Variants in DSCAM observed in about 807,000 individuals in gnomAD.
DSCAM encodes DS cell adhesion molecule, also known as cell adhesion molecule DSCAM.
In DSCAM, 47 loss-of-function variants were observed where a neutral mutation model predicts 217.7. That is an observed-to-expected ratio of 0.22 (90% CI 0.17 to 0.28). The LOEUF (loss-of-function observed/expected upper bound fraction) is 0.28, where lower values mean the gene tolerates loss of function less well. Among genes scored for constraint, DSCAM ranks in the 10% least tolerant of loss-of-function variants. The pLI is 1.00. For missense variants in DSCAM, 2,080 were observed against 2,618.3 expected (o/e 0.79, Z 4.49); for synonymous variants, 1,056 against 1,015.3 (o/e 1.04, Z -0.76).
chr21:40,800,664 T>C (rs984220096), intron 1 of DSCAM, among the ~76,000 whole-genome samples: 2 of 152,046 alleles, frequency 1.3e-5, no homozygotes, highest in Non-Finnish European at 2.9e-5. Context: ...TTAAGAATGA[T>C]GAACTAGGAT....
chr21:40,511,766 T>C (rs989460728), intron 3 of DSCAM, among the ~76,000 whole-genome samples: 15 of 151,104 alleles, frequency 9.9e-5, no homozygotes, highest in South Asian at 6.3e-4. Context: ...CCGAGGCGGG[T>C]GGATCATGAG....
At chr21:40,245,282 C>T (rs2073208701) in intron 11 of DSCAM, among the ~76,000 whole-genome samples, 1 of 152,190 alleles carries the variant, frequency 6.6e-6, no homozygotes, top group Non-Finnish European at 1.5e-5. Flanking sequence ...CCTGAGTTTG[C>T]TCATCCCTCT....
At chr21:40,160,385 C>G (rs574122303) in intron 16 of DSCAM, among the ~76,000 whole-genome samples, 2 of 152,146 alleles carry the variant, frequency 1.3e-5, no homozygotes, top group Non-Finnish European at 2.9e-5. Context: ...ATTTAACTTA[C>G]GCTAATGTTA....
intron 21 of DSCAM, among the ~76,000 whole-genome samples, chr21:40,090,502 G>C (rs2089594292): frequency 6.6e-6 from 1 of 152,152 alleles, no homozygotes; most frequent in African/African-American, 2.4e-5. Flanking sequence ...TGGCCACTGA[G>C]GGGCATTTTC....
At chr21:40,379,757 T>A (rs1004202114) in intron 3 of DSCAM, among the ~76,000 whole-genome samples, 2 of 152,226 alleles carry the variant, frequency 1.3e-5, no homozygotes, top group East Asian at 3.8e-4. Flanking sequence ...AGTGACTGTT[T>A]AGAAGATATA....
chr21:40,301,909 G>A (rs2074020934), intron 9 of DSCAM, among the ~76,000 whole-genome samples: 1 of 152,182 alleles, frequency 6.6e-6, no homozygotes, highest in African/African-American at 2.4e-5. Context: ...CTGAGGGACA[G>A]CAGAAGACAG....
intron 3 of DSCAM, among the ~76,000 whole-genome samples, chr21:40,427,981 A>T (rs1173608217): frequency 6.6e-6 from 1 of 152,178 alleles, no homozygotes; most frequent in Non-Finnish European, 1.5e-5. Flanking sequence ...ACCTTGACCC[A>T]TTATACTTTG....
intron 8 of DSCAM, among the ~76,000 whole-genome samples, chr21:40,329,710 T>G (rs2031696722): frequency 6.6e-6 from 1 of 151,724 alleles, no homozygotes; most frequent in Non-Finnish European, 1.5e-5. Flanking sequence ...TATTCAACCT[T>G]AAGAAAGAGT....
chr21:40,584,900 C>T (rs577356575), intron 3 of DSCAM, among the ~76,000 whole-genome samples: 1 of 152,292 alleles, frequency 6.6e-6, no homozygotes, highest in South Asian at 2.1e-4. Flanking sequence ...GTGTTTGGGT[C>T]ATAAGCGTGG....
intron 4 of DSCAM, among the ~76,000 whole-genome samples, chr21:40,355,662 C>T (rs187985131): frequency 4.6e-5 from 7 of 152,268 alleles, no homozygotes; most frequent in Admixed American, 1.3e-4. Flanking sequence ...ATTACAGAAA[C>T]GTTATAGACT....
intron 27 of DSCAM, among the ~76,000 whole-genome samples, chr21:40,067,003 T>C (rs2089215398): frequency 6.6e-6 from 1 of 152,204 alleles, no homozygotes; most frequent in South Asian, 2.1e-4. Flanking sequence ...GAACCCATCA[T>C]CAATTGAAAA....
At position 40,012,037 on chromosome 21, in the gene DSCAM, C is replaced by CAAAT. The variant is rs952863624; in HGVS notation, c.*993_*996dup. On this transcript the variant is annotated 3_prime_UTR_variant, in exon 33 of 33. Transcript: ENST00000400454. ...CCATGAAAGCAGCCATAGACAATAG[C>CAAAT]AAATAGTGCATGTGGCCTTGTTTCA... 1.3e-5 allele frequency: 2 copies of CAAAT among 152,004 alleles called. No homozygotes were observed. The highest frequency in any genetic ancestry group is 1.9e-4 in the East Asian group (1 of 5,188). The allele number at this position is 152,004 out of a possible 1,614,324, so 9.4% of individuals were successfully genotyped here.
At chr21:40,774,975 A>G (rs969456762) in intron 1 of DSCAM, among the ~76,000 whole-genome samples, 1 of 48,740 alleles carries the variant, frequency 2.1e-5, no homozygotes, top group African/African-American at 8.0e-5. Flanking sequence ...TAATAATTAT[A>G]TAACATATAA....
At chr21:40,326,325 T>C (rs976443317) in intron 8 of DSCAM, among the ~76,000 whole-genome samples, 1 of 152,212 alleles carries the variant, frequency 6.6e-6, no homozygotes, top group African/African-American at 2.4e-5. Context: ...CGTTCTTGTC[T>C]TCAGGACAGA....
chr21:40,633,200 T>G (rs2089715056), intron 3 of DSCAM, among the ~76,000 whole-genome samples: 1 of 152,178 alleles, frequency 6.6e-6, no homozygotes, highest in Non-Finnish European at 1.5e-5. Flanking sequence ...CCAACCAATG[T>G]GATACTTGGG....
chr21:40,247,471 A>G (rs2073242055), intron 11 of DSCAM, among the ~76,000 whole-genome samples: 1 of 152,220 alleles, frequency 6.6e-6, no homozygotes. Context: ...GAAATTAGCC[A>G]AAACAAAGGG....
chr21:40,842,262 C>T (rs926054915), intron 1 of DSCAM, among the ~76,000 whole-genome samples: 5 of 152,190 alleles, frequency 3.3e-5, no homozygotes, highest in Non-Finnish European at 5.9e-5. Flanking sequence ...TGCCCACACG[C>T]GCTTGTTTGT....
At chr21:40,510,508 C>A (rs531858710) in intron 3 of DSCAM, among the ~76,000 whole-genome samples, 1 of 152,158 alleles carries the variant, frequency 6.6e-6, no homozygotes, top group Non-Finnish European at 1.5e-5. Context: ...TGACGATTGA[C>A]AAAGGTTTAT....
intron 1 of DSCAM, among the ~76,000 whole-genome samples, chr21:40,754,530 G>A (rs996759618): frequency 1.3e-5 from 2 of 152,214 alleles, no homozygotes; most frequent in Admixed American, 6.5e-5. Context: ...CTGAGAACCA[G>A]AGCAGGACCC....
Sources: gnomAD v4.1 joint callset for allele counts (sites outside exome capture counted in the v4.1 genomes callset) on GRCh38, gnomAD v4.1.1 for gene constraint, MANE v1.5 for transcripts, NCBI Gene and HGNC (gene_info 2026-07-23, HGNC 2026-07-21) for gene names.